Variants in UPF2 observed in about 807,000 individuals in gnomAD.
UPF2 encodes regulator of nonsense transcripts 2.
In UPF2, 17 loss-of-function variants were observed where a neutral mutation model predicts 141.4. That is an observed-to-expected ratio of 0.12 (90% CI 0.08 to 0.18). The LOEUF (loss-of-function observed/expected upper bound fraction) is 0.18. Ranked by LOEUF, UPF2 falls within the 10% of genes least tolerant of loss-of-function variation. UPF2 has a pLI of 1.00. For synonymous variants in UPF2, 540 were observed against 498.0 expected (o/e 1.08, Z -1.12); for missense variants, 1,152 against 1,515.9 (o/e 0.76, Z 3.99).
At chr10:11,961,057 T>C (rs373684875) in intron 11 of UPF2, among the ~76,000 whole-genome samples, 32 of 144,252 alleles carry the variant, frequency 2.2e-4, no homozygotes, top group African/African-American at 7.8e-4. Flanking sequence ...ACCACTGCAC[T>C]CCAGCCTGGG....
chr10:11,968,548 C>T (rs1441604660), intron 9 of UPF2, among the ~76,000 whole-genome samples: 1 of 152,132 alleles, frequency 6.6e-6, no homozygotes, highest in East Asian at 1.9e-4. Flanking sequence ...ATAAACTATG[C>T]TACATTTTTA....
intron 18 of UPF2, among the ~76,000 whole-genome samples, chr10:11,941,534 A>T (rs1465532535): frequency 1.3e-5 from 2 of 152,196 alleles, no homozygotes; most frequent in African/African-American, 4.8e-5. Flanking sequence ...CTCCATGAGC[A>T]TATAAAGATT....
chr10:12,038,792 T>A (rs144153497), intron 1 of UPF2, among the ~76,000 whole-genome samples: 2 of 152,032 alleles, frequency 1.3e-5, no homozygotes, highest in African/African-American at 4.8e-5. Flanking sequence ...AAGACAACAT[T>A]AGCATTTATA....
chr10:11,960,247 A>G (rs1833217944), intron 11 of UPF2, among the ~76,000 whole-genome samples: 1 of 152,176 alleles, frequency 6.6e-6, no homozygotes, highest in Non-Finnish European at 1.5e-5. Context: ...TGAATAATTA[A>G]GTCATTTTAA....
chr10:12,000,306 C>T (rs538199726), intron 6 of UPF2, among the ~76,000 whole-genome samples: 1 of 152,322 alleles, frequency 6.6e-6, no homozygotes, highest in African/African-American at 2.4e-5. Flanking sequence ...GTCTGCCCAG[C>T]ATCCCTTCCC....
intron 8 of UPF2, among the ~76,000 whole-genome samples, chr10:11,994,139 A>G (rs1291950929): frequency 1.3e-5 from 2 of 152,202 alleles, no homozygotes; most frequent in Non-Finnish European, 2.9e-5. Context: ...GAAAATCATT[A>G]AAGAGAATAA....
At chr10:11,976,858 T>C (rs988122300) in intron 9 of UPF2, among the ~76,000 whole-genome samples, 6 of 152,238 alleles carry the variant, frequency 3.9e-5, no homozygotes, top group African/African-American at 1.4e-4. Flanking sequence ...TGTGAGGAGC[T>C]GCATGTGCAT....
intron 1 of UPF2, among the ~76,000 whole-genome samples, chr10:12,038,244 G>A (rs1409907111): frequency 1.3e-5 from 2 of 151,646 alleles, no homozygotes; most frequent in African/African-American, 4.8e-5. Context: ...TTAGCTGGGC[G>A]TGGTAGCAGG....
At chr10:11,949,347 A>G (rs1445881192) in intron 15 of UPF2, among the ~76,000 whole-genome samples, 3 of 152,162 alleles carry the variant, frequency 2.0e-5, no homozygotes, top group African/African-American at 7.2e-5. Flanking sequence ...AATAGAGAAT[A>G]CCCTTCAATA....
At position 11,952,100 on chromosome 10, in the gene UPF2, T is replaced by C. The variant is rs778426640; in HGVS notation, c.3000A>G (p.Val1000=). The C allele has an allele frequency of 4.2e-5, 67 of 1,614,088 alleles. No homozygotes were observed. The highest frequency in any genetic ancestry group is 3.2e-4 in the Admixed American group (19 of 60,026). ...TTAAGAATTCTCGTTCCAAGTCTTG[T>C]ACCTGCCTGATGGATTCTTCCAGAG... is the stretch of plus-strand genomic sequence containing the variant. The part of the protein sequence containing the change: ...CNSLEESIRQ[V]QDLEREFLIK... The change falls in exon 15 of 22, where the codon GTA becomes GTG. Residue 1000 remains valine, a synonymous_variant. Transcript: ENST00000357604.
chr10:11,958,702 C>T (rs1833193342), intron 12 of UPF2, among the ~76,000 whole-genome samples: 1 of 152,052 alleles, frequency 6.6e-6, no homozygotes, highest in South Asian at 2.1e-4. Context: ...GATTCTTTAC[C>T]TTCACTGGAA....
chr10:12,020,898 T>C (rs1481210781), intron 3 of UPF2, among the ~76,000 whole-genome samples: 1 of 152,202 alleles, frequency 6.6e-6, no homozygotes, highest in African/African-American at 2.4e-5. Context: ...CTTTGTATGT[T>C]ACAGTGAAGT....
intron 11 of UPF2, 110 bp downstream of exon 11, chr10:11,963,899 T>C: frequency 2.8e-6 from 2 of 714,912 alleles, no homozygotes; most frequent in Non-Finnish European, 4.6e-6. Flanking sequence ...GTAGAAATGT[T>C]TGTATTCATA....
At chr10:12,026,524 T>G (rs147696182) in intron 3 of UPF2, 2 of 402,182 alleles carry the variant, frequency 5.0e-6, no homozygotes, top group Non-Finnish European at 9.7e-6. Context: ...AGTGGACACA[T>G]ATGTCCTCTA....
chr10:12,013,335 G>A (rs1377012561), intron 4 of UPF2, among the ~76,000 whole-genome samples: 1 of 146,916 alleles, frequency 6.8e-6, no homozygotes, highest in Non-Finnish European at 1.5e-5. Flanking sequence ...GGAGTGCAGT[G>A]GCACAATCTC....
chr10:11,962,775 G>A (rs926356905), intron 11 of UPF2, among the ~76,000 whole-genome samples: 3 of 152,100 alleles, frequency 2.0e-5, no homozygotes, highest in African/African-American at 7.2e-5. Flanking sequence ...ATAAGCTAGT[G>A]CGTGCCTATC....
intron 8 of UPF2, among the ~76,000 whole-genome samples, chr10:11,984,869 T>C (rs1264086633): frequency 2.0e-5 from 3 of 152,144 alleles, no homozygotes; most frequent in African/African-American, 7.2e-5. Context: ...CCTGCCACCA[T>C]GCCCGGCTAA....
chr10:11,932,456 A>C (rs1832794759), intron 19 of UPF2, among the ~76,000 whole-genome samples: 1 of 152,222 alleles, frequency 6.6e-6, no homozygotes, highest in Non-Finnish European at 1.5e-5. Context: ...CTTCGTTTAG[A>C]TCTTCTAAAG....
At chr10:11,999,241 T>C (rs1833913756) in intron 7 of UPF2, among the ~76,000 whole-genome samples, 1 of 151,392 alleles carries the variant, frequency 6.6e-6, no homozygotes, top group African/African-American at 2.4e-5. Context: ...CGGCCGGGTA[T>C]GGTGGCTCAT....
Sources: gnomAD v4.1 joint callset for allele counts (sites outside exome capture counted in the v4.1 genomes callset) on GRCh38, gnomAD v4.1.1 for gene constraint, MANE v1.5 for transcripts, NCBI Gene and HGNC (gene_info 2026-07-23, HGNC 2026-07-21) for gene names.